TRPM1: variants seen among roughly 807,000 people sequenced by gnomAD.
TRPM1 encodes TRPM1-203 APA Isoform, Intron 10.
In TRPM1, 113 loss-of-function variants were observed where a neutral mutation model predicts 149.4. The ratio of observed to expected loss-of-function variants is 0.76; its 90% CI spans 0.65 to 0.88. The LOEUF is 0.88. Among genes scored for constraint, TRPM1 ranks in the 40% least tolerant of loss-of-function variants. TRPM1 has a pLI of 0.00. For synonymous variants in TRPM1, 741 were observed against 759.5 expected, an observed-to-expected ratio of 0.98 and a Z score of 0.40; for missense variants, 1,976 against 2,038.7, an observed-to-expected ratio of 0.97 and a Z score of 0.59.
chr15:31,091,710 C>T (rs1462866691), intron 1 of TRPM1, among the ~76,000 whole-genome samples: 1 of 152,064 alleles, frequency 6.6e-6, no homozygotes, highest in African/African-American at 2.4e-5. Context: ...CTGTCCTGAC[C>T]CAGTGTGGTC....
upstream of TRPM1, among the ~76,000 whole-genome samples, chr15:31,104,987 ACT>A (rs540881195): frequency 1.1e-4 from 16 of 152,178 alleles, no homozygotes; most frequent in South Asian, 3.3e-3. Context: ...AGATTTGGTC[ACT>A]CTGAGGCACA....
intron 3 of TRPM1, chr15:31,070,489 T>C (rs577532722): frequency 2.9e-6 from 2 of 686,566 alleles, no homozygotes; most frequent in South Asian, 3.0e-5. Context: ...TTTGATGTCT[T>C]GATAACATCA....
In TRPM1 at chr15:31,138,399, A is replaced by G. The variant is rs2036118051; in HGVS notation, c.54+22507T>C. Among the ~76,000 whole-genome samples, 3 of 152,162 alleles carry G rather than the reference A, an allele frequency of 2.0e-5. No homozygotes were observed. The South Asian group carries it at 6.2e-4, about 32-fold the overall frequency. On this transcript the variant is annotated intron_variant, in intron 1 of 26. Coordinates refer to the TRPM1 transcript ENST00000542188. ...TATTTCTACTTTAAACCCCACTCTT[A>G]CGGGACAACCTCTCTCTTGGAATAA...
intron 1 of TRPM1, among the ~76,000 whole-genome samples, chr15:31,147,366 T>C (rs2036236060): frequency 6.6e-6 from 1 of 152,258 alleles, no homozygotes; most frequent in African/African-American, 2.4e-5. Flanking sequence ...TGTGCTCACT[T>C]TTCAGTCGGG....
intron 1 of TRPM1, among the ~76,000 whole-genome samples, chr15:31,088,451 C>T (rs561088645): frequency 8.5e-5 from 13 of 152,256 alleles, no homozygotes; most frequent in South Asian, 4.1e-4. Flanking sequence ...ACTGACTGTA[C>T]GGTATGTGGC....
At chr15:31,121,414 T>C (rs2035878053) in intron 1 of TRPM1, among the ~76,000 whole-genome samples, 1 of 151,992 alleles carries the variant, frequency 6.6e-6, no homozygotes. Flanking sequence ...AAAAGATCAA[T>C]AAAATTGGTG....
intron 1 of TRPM1, among the ~76,000 whole-genome samples, chr15:31,147,712 G>T (rs186222848): frequency 9.9e-5 from 15 of 152,218 alleles, no homozygotes; most frequent in African/African-American, 3.6e-4. Flanking sequence ...GGTAACTTGC[G>T]TCTTCTCTAG....
At position 31,010,485 on chromosome 15, in the gene TRPM1, C is replaced by T. The variant is rs58104955; in HGVS notation, c.3630-7415G>A. 2.3e-3 allele frequency among the ~76,000 whole-genome samples: 343 copies of T among 152,122 alleles called. 8 individuals carry two copies. In the East Asian group the frequency reaches 0.049, roughly 22 times the overall value. On this transcript the variant is annotated intron_variant, in intron 27 of 27. Transcript: ENST00000256552. ...TGGTATATTGTGTTTTCATTTTGTT[C>T]GCCTTGAAGTATTTTCTAATTTCTC...
intron 1 of TRPM1, among the ~76,000 whole-genome samples, chr15:31,113,524 A>G (rs942855439): frequency 6.6e-6 from 1 of 152,054 alleles, no homozygotes; most frequent in Non-Finnish European, 1.5e-5. Context: ...CAAACTGTCA[A>G]AAAACATTTT....
chr15:31,064,147 G>A (rs1008998233), intron 7 of TRPM1, among the ~76,000 whole-genome samples: 4 of 152,164 alleles, frequency 2.6e-5, no homozygotes, highest in Admixed American at 1.3e-4. Context: ...TTTAACTCCT[G>A]CAGTTGTAAA....
intron 3 of TRPM1, among the ~76,000 whole-genome samples, chr15:31,075,755 T>C (rs1421627801): frequency 6.6e-6 from 1 of 152,230 alleles, no homozygotes; most frequent in Admixed American, 6.5e-5. Context: ...AACTCTTGGT[T>C]CAAATCCCAC....
chr15:31,112,265 G>A (rs2035700417), intron 1 of TRPM1, among the ~76,000 whole-genome samples: 1 of 152,146 alleles, frequency 6.6e-6, no homozygotes, highest in African/African-American at 2.4e-5. Context: ...GATCACCTGA[G>A]GTTGGGAGTT....
chr15:31,149,898 G>T (rs1175187811), intron 1 of TRPM1, among the ~76,000 whole-genome samples: 1 of 152,222 alleles, frequency 6.6e-6, no homozygotes, highest in Admixed American at 6.5e-5. Context: ...TTCTGTTGGC[G>T]AGCATTGACG....
intron 1 of TRPM1, among the ~76,000 whole-genome samples, chr15:31,087,856 G>A (rs931039812): frequency 6.6e-6 from 1 of 152,218 alleles, no homozygotes; most frequent in African/African-American, 2.4e-5. Context: ...GAGCTGGTGG[G>A]AGGGAGGAAT....
At chr15:31,053,434 T>C (rs2034002454) in intron 11 of TRPM1, among the ~76,000 whole-genome samples, 1 of 143,474 alleles carries the variant, frequency 7.0e-6, no homozygotes. Flanking sequence ...TTTTTTTTTC[T>C]GTATTTTTAG....
chr15:31,002,774 G>A lies in TRPM1; in HGVS notation c.3926C>T (p.Thr1309Ile), dbSNP rs2031834047. The A allele has an allele frequency of 6.2e-7, 1 of 1,614,192 alleles. No individual in the cohort carries two copies. Among genetic ancestry groups the A allele is most frequent in the Non-Finnish European group, 8.5e-7 (1 of 1,180,032 alleles). ...FNGEELLFED[T>I]SLSTSPGTGV... ...TGTCCCTGGTGACGTGGAGAGAGAT[G>A]TATCCTCAAATAATAACTCTTCTCC... Residue 1309 changes from threonine to isoleucine, a missense_variant, in exon 28 of 28, where the codon ACA (threonine) becomes ATA (isoleucine). Thr to Ile is a moderately conservative substitution (Grantham distance 89). Coordinates refer to ENST00000256552, the MANE Select transcript of TRPM1 (RefSeq NM_001252024.2).
intron 27 of TRPM1, among the ~76,000 whole-genome samples, chr15:31,011,808 G>A (rs1467014439): frequency 2.6e-5 from 4 of 151,984 alleles, no homozygotes; most frequent in Non-Finnish European, 5.9e-5. Context: ...GGGATTACAG[G>A]CATGTGCCAC....
At chr15:31,109,234 C>T (rs187715180) in intron 1 of TRPM1, among the ~76,000 whole-genome samples, 49 of 145,466 alleles carry the variant, frequency 3.4e-4, no homozygotes, top group African/African-American at 9.7e-4. Context: ...TTATGGAGGC[C>T]GAAGCTGGAG....
intron 1 of TRPM1, among the ~76,000 whole-genome samples, chr15:31,127,993 G>A (rs774861599): frequency 1.3e-5 from 2 of 152,204 alleles, no homozygotes; most frequent in Non-Finnish European, 1.5e-5. Flanking sequence ...TAACTTGGCT[G>A]ACATAGCAGA....
Sources: gnomAD v4.1 joint callset for allele counts (sites outside exome capture counted in the v4.1 genomes callset) on GRCh38, gnomAD v4.1.1 for gene constraint, MANE v1.5 for transcripts, NCBI Gene and HGNC (gene_info 2026-07-23, HGNC 2026-07-21) for gene names.